IMPA2: variants seen among roughly 807,000 people sequenced by gnomAD.
The protein encoded by IMPA2 is inositol monophosphatase 2.
IMPA2 carries 32 observed loss-of-function variants against 35.1 expected under a neutral mutation model. The ratio of observed to expected loss-of-function variants is 0.91; its 90% CI spans 0.69 to 1.23. The LOEUF (loss-of-function observed/expected upper bound fraction) is 1.23. Among genes scored for constraint, IMPA2 ranks in the 50% most tolerant of loss-of-function variants. The pLI is 0.00. For missense variants in IMPA2, 334 were observed against 387.6 expected (o/e 0.86, Z 1.16); for synonymous variants, 135 against 160.6 (o/e 0.84, Z 1.20).
intron 5 of IMPA2, among the ~76,000 whole-genome samples, chr18:12,026,042 T>C (rs1157527124): frequency 6.6e-6 from 1 of 151,644 alleles, no homozygotes; most frequent in African/African-American, 2.4e-5. Flanking sequence ...GCATTTTTTT[T>C]TTTTTTTTTG....
intron 5 of IMPA2, among the ~76,000 whole-genome samples, chr18:12,017,232 C>T (rs1308193036): frequency 6.6e-6 from 1 of 152,220 alleles, no homozygotes; most frequent in African/African-American, 2.4e-5. Context: ...AATGATGCCC[C>T]ATGACCCCTC....
At chr18:12,012,723 G>A (rs964846726) in intron 4 of IMPA2, among the ~76,000 whole-genome samples, 2 of 152,210 alleles carry the variant, frequency 1.3e-5, no homozygotes, top group Non-Finnish European at 2.9e-5. Context: ...TGGGGCTGAG[G>A]TTTAAAGCTT....
rs951044585 is a variant in IMPA2, at chr18:12,028,145, C to T, written c.593C>T (p.Ala198Val). 6.8e-6 allele frequency: 11 copies of T among 1,607,210 alleles called. No individual in the cohort carries two copies. Among genetic ancestry groups the T allele is most frequent in the Admixed American group, 1.7e-5 (1 of 59,986 alleles). ...SNMERLLHAK[A>V]HGVRVIGSST... Reference sequence around the variant, plus strand: ...ATGGAGCGGCTGCTGCATGCCAAGGCGCATGGGTAGGAGGTTCAGTTCGGG... The same window carrying T: ...ATGGAGCGGCTGCTGCATGCCAAGGTGCATGGGTAGGAGGTTCAGTTCGGG... Residue 198 changes from alanine (A) to valine (V), a missense_variant, in exon 6 of 8, where the codon GCG becomes GTG. Coordinates refer to ENST00000269159, the MANE Select transcript of IMPA2 (RefSeq NM_014214.3).
At chr18:11,997,581 G>A (rs928551050) in intron 1 of IMPA2, among the ~76,000 whole-genome samples, 19 of 152,328 alleles carry the variant, frequency 1.2e-4, no homozygotes, top group African/African-American at 4.1e-4. Flanking sequence ...AGGCAGCCCC[G>A]TATGGGGAGG....
chr18:12,014,307 T>C lies in IMPA2; in HGVS notation c.424T>C (p.Tyr142His). The C allele has an allele frequency of 2.5e-6, 4 of 1,613,418 alleles. No individual in the cohort carries two copies. Residue 142 changes from tyrosine (Y) to histidine (H), a missense_variant, in exon 5 of 8, where the codon TAC becomes CAC. By Grantham distance (83) the Tyr-to-His change is moderately conservative. Coordinates refer to ENST00000269159, the MANE Select transcript of IMPA2 (RefSeq NM_014214.3). ...VIYHCTEERL[Y>H]TGRRGRGAFC... ...TTACCACTGCACAGAGGAGCGGCTG[T>C]ACACGGGCCGGCGGGGTCGGGGCGC...
At chr18:12,013,747 T>A (rs1399897702) in intron 4 of IMPA2, among the ~76,000 whole-genome samples, 1 of 152,188 alleles carries the variant, frequency 6.6e-6, no homozygotes, top group Non-Finnish European at 1.5e-5. Context: ...GGGCCACTGT[T>A]CAGCGCACTG....
At chr18:12,018,011 G>A (rs12958100) in intron 5 of IMPA2, 68,893 of 158,854 alleles carry the variant, frequency 0.43, 17,730 homozygotes, top group Non-Finnish European at 0.58. Flanking sequence ...GGGCGATCTC[G>A]GCTCACTGCA....
chr18:12,011,094 A>G (rs1298795317), intron 3 of IMPA2, among the ~76,000 whole-genome samples: 1 of 152,106 alleles, frequency 6.6e-6, no homozygotes, highest in Non-Finnish European at 1.5e-5. Flanking sequence ...TGGCAGGTGA[A>G]GCCCCGTCAC....
In IMPA2 at chr18:11,999,113, T is replaced by C; in HGVS notation, c.156T>C (p.Asp52=). 6.2e-7 allele frequency: 1 copy of C among 1,613,722 alleles called. No homozygotes were observed. The highest frequency in any genetic ancestry group is 8.5e-7 in the Non-Finnish European group (1 of 1,179,716). Residue 52 remains aspartate, a synonymous_variant, in exon 2 of 8, where the codon GAT becomes GAC. Coordinates refer to ENST00000269159, the MANE Select transcript of IMPA2 (RefSeq NM_014214.3). ...TCTCAACAAAAACATCAGCTGCAGA[T>C]CTTGTGACAGAAACAGATCACCTTG... ...KRVSTKTSAA[D]LVTETDHLVE... is the part of the protein sequence containing the mutation.
intron 1 of IMPA2, among the ~76,000 whole-genome samples, chr18:11,992,872 G>A (rs1178666996): frequency 1.3e-5 from 2 of 152,110 alleles, no homozygotes; most frequent in Non-Finnish European, 2.9e-5. Flanking sequence ...TTTGAGTCTC[G>A]CTTACTGATT....
rs1349529494 is a variant in IMPA2 at position 12,010,571 on chromosome 18, G to A, written c.335+584G>A. Among the ~76,000 whole-genome samples the A allele has an allele frequency of 6.6e-6, 1 of 152,202 alleles. No individual in the cohort carries two copies. Among genetic ancestry groups the A allele is most frequent in the Non-Finnish European group, 1.5e-5 (1 of 68,036 alleles). ...GTGTTCTCTGGCAGTGGCAGGTGAT[G>A]GTGCTGCGCTGCCTGTCTACACGCA... On this transcript the variant is annotated intron_variant, in intron 3 of 7. Transcript: ENST00000269159. This position sits in a 1 kb window ranked among gnomAD's most constrained non-coding sequence, Gnocchi z 4.8.
At position 12,027,606 on chromosome 18, in the gene IMPA2, T is replaced by C. The variant is rs116488858; in HGVS notation, c.491-437T>C. On this transcript the variant is annotated intron_variant, in intron 5 of 7. Coordinates refer to ENST00000269159, the MANE Select transcript of IMPA2 (RefSeq NM_014214.3). ...TTTTTTTTTTAAAGAAACAGGGACTTGCTCTGTCCTCCAGGCTGGAATGTG... is the reference window on the plus strand; with the variant it reads ...TTTTTTTTTTAAAGAAACAGGGACTCGCTCTGTCCTCCAGGCTGGAATGTG... 8.5e-3 allele frequency among the ~76,000 whole-genome samples: 1,118 copies of C among 132,152 alleles called. 15 individuals are homozygous for C. Among genetic ancestry groups the C allele is most frequent in the African/African-American group, 0.032 (1,072 of 33,486 alleles). The allele number at this position is 132,152 out of a possible 152,430, so 86.7% of individuals were successfully genotyped here.
chr18:11,983,248 C>A (rs147829467), intron 1 of IMPA2, among the ~76,000 whole-genome samples: 112 of 152,334 alleles, frequency 7.4e-4, no homozygotes, highest in African/African-American at 2.7e-3. Context: ...AGCGTTCTTC[C>A]TGGAAAGCAG....
chr18:12,020,465 T>G (rs1262307743), intron 5 of IMPA2, among the ~76,000 whole-genome samples: 2 of 152,240 alleles, frequency 1.3e-5, no homozygotes, highest in Non-Finnish European at 2.9e-5. Context: ...AGTGCTGGGA[T>G]TATAGGCATG....
At position 12,011,790 on chromosome 18, in the gene IMPA2, G is replaced by T. The variant is rs147608759; in HGVS notation, c.336-380G>T. Among the ~76,000 whole-genome samples the T allele has an allele frequency of 4.6e-5, 7 of 152,330 alleles. No individual in the cohort carries two copies. The East Asian group carries it at 1.2e-3, about 25-fold the overall frequency. ...CATGGGGAGGCTGTGGTGCCTTCTGGGACCACCTGCCTGGCGCCCCACCTG... is the reference window on the plus strand; with the variant it reads ...CATGGGGAGGCTGTGGTGCCTTCTGTGACCACCTGCCTGGCGCCCCACCTG... On this transcript the variant is annotated intron_variant, in intron 3 of 7. Transcript: ENST00000269159.
intron 1 of IMPA2, among the ~76,000 whole-genome samples, chr18:11,998,418 C>T (rs1211906959): frequency 6.6e-6 from 1 of 152,168 alleles, no homozygotes; most frequent in African/African-American, 2.4e-5. Context: ...TGGATCCTTG[C>T]ATGAACTCTG....
At chr18:12,000,168 A>G (rs564335807) in intron 2 of IMPA2, among the ~76,000 whole-genome samples, 1 of 151,956 alleles carries the variant, frequency 6.6e-6, no homozygotes, top group African/African-American at 2.4e-5. Flanking sequence ...TTTTCTTTAC[A>G]TTTATTTTTA....
chr18:12,025,527 G>A (rs1257089833), intron 5 of IMPA2, among the ~76,000 whole-genome samples: 1 of 152,192 alleles, frequency 6.6e-6, no homozygotes, highest in Non-Finnish European at 1.5e-5. Context: ...CATCCTGGCT[G>A]GCACTTGTTG....
intron 1 of IMPA2, among the ~76,000 whole-genome samples, chr18:11,992,792 G>A (rs1021880423): frequency 5.3e-5 from 8 of 152,096 alleles, no homozygotes; most frequent in African/African-American, 7.2e-5. Context: ...GGGGTTCAGC[G>A]GGACCTTACC....
Sources: gnomAD v4.1 joint callset for allele counts (sites outside exome capture counted in the v4.1 genomes callset) on GRCh38, gnomAD v4.1.1 for gene constraint, Gnocchi (gnomAD v3.1) non-coding constraint, MANE v1.5 for transcripts, NCBI Gene and HGNC (gene_info 2026-07-23, HGNC 2026-07-21) for gene names.